The following RNF167 variants were observed in gnomAD, a reference collection of about 807,000 sequenced individuals.
RNF167 encodes ring finger protein 167, also known as E3 ubiquitin-protein ligase RNF167.
RNF167 carries 19 observed loss-of-function variants against 34.8 expected under a neutral mutation model. That is an observed-to-expected ratio of 0.55 (90% CI 0.38 to 0.80). The LOEUF is 0.80. Among genes scored for constraint, RNF167 ranks in the 30% least tolerant of loss-of-function variants. The pLI, the probability that RNF167 is intolerant of heterozygous loss-of-function variation, is 0.00. For synonymous variants in RNF167, 200 were observed against 170.4 expected, an observed-to-expected ratio of 1.17 and a Z score of -1.35; for missense variants, 464 against 447.0, an observed-to-expected ratio of 1.04 and a Z score of -0.34.
In RNF167 at chr17:4,944,731, C is replaced by T. The variant is rs374144061; in HGVS notation, c.768C>T (p.Cys256=). The stretch of plus-strand genomic sequence containing the variant: ...TCTCTGCAGCCTACCACAGCCGCTG[C>T]GTGGACCCCTGGCTCACTCAGACCC... ...LPCAHAYHSR[C]VDPWLTQTRK... Residue 256 remains cysteine, a synonymous_variant, in exon 10 of 10, where the codon TGC becomes TGT. Transcript: ENST00000262482. The T allele has an allele frequency of 6.3e-5, 101 of 1,613,874 alleles. No homozygotes were observed. Among genetic ancestry groups the T allele is most frequent in the East Asian group, 1.1e-4 (5 of 44,882 alleles).
chr17:4,941,319 G>A (rs1970781191), intron 3 of RNF167, among the ~76,000 whole-genome samples, 162 bp downstream of exon 3: 1 of 152,166 alleles, frequency 6.6e-6, no homozygotes, highest in East Asian at 1.9e-4. Context: ...AACTGAGCAC[G>A]TCTAGTGTAG....
Position 4,943,235 on chromosome 17 carries a change from C to T in RNF167, c.527C>T (p.Pro176Leu). ...TTCCCCTTGGGCTATTACCTCATCC[C>T]TTTCACAGGGATTGTGGGACTGCTG... is the stretch of plus-strand genomic sequence containing the variant. ...NTFPLGYYLI[P>L]FTGIVGLLVL... The change falls in exon 7 of 10, where the codon CCT becomes CTT. Residue 176 changes from proline (P) to leucine (L), a missense_variant. By Grantham distance (98) the Pro-to-Leu change is moderately conservative. Coordinates refer to ENST00000262482, the MANE Select transcript of RNF167 (RefSeq NM_015528.3). The T allele has an allele frequency of 1.9e-6, 3 of 1,614,134 alleles. No individual in the cohort carries two copies. Among genetic ancestry groups the T allele is most frequent in the Non-Finnish European group, 2.5e-6 (3 of 1,180,030 alleles).
chr17:4,940,215 G>C (rs913019068), upstream of RNF167: 7 of 288,914 alleles, frequency 2.4e-5, no homozygotes, highest in Non-Finnish European at 4.4e-5. Context: ...TTTGTTTGAA[G>C]GTCTCGCGAG....
rs1168116912 is a variant in RNF167, at chr17:4,943,322, C to T, written c.576+38C>T. On this transcript the variant is annotated intron_variant, in intron 7 of 9. Transcript: ENST00000262482. Reference sequence around the variant, plus strand: ...GGGAACATGATGGGAAGCACTGAGGCCTGTGAGGCCAGACTGGATCTGGAG... The same window carrying T: ...GGGAACATGATGGGAAGCACTGAGGTCTGTGAGGCCAGACTGGATCTGGAG... 5.0e-6 allele frequency: 8 copies of T among 1,596,414 alleles called. No individual in the cohort carries two copies. In the East Asian group the frequency reaches 1.6e-4, roughly 31 times the overall value.
Position 4,944,979 on chromosome 17 carries a change from CACT to C in RNF167, c.1017_1019del (p.Leu340del). 6.3e-7 allele frequency: 1 copy of C among 1,584,320 alleles called. No homozygotes were observed. Among genetic ancestry groups the C allele is most frequent in the Middle Eastern group, 1.7e-4 (1 of 5,890 alleles). On this transcript the variant is annotated inframe_deletion, in exon 10 of 10. Transcript: ENST00000262482. ...TTTCCTGGGCCTTCAACAGATCCCC[CACT>C]GTCCCCTCCCTCTTCCCCTGTTATC...
In RNF167 at chr17:4,945,092, G is replaced by A. The variant is rs1971286019; in HGVS notation, c.*76G>A. 2.1e-5 allele frequency: 27 copies of A among 1,310,112 alleles called. No individual in the cohort carries two copies. The Admixed American group carries it at 6.6e-4, about 32-fold the overall frequency. 81.2% of individuals were successfully genotyped at this position (1,310,112 alleles called of 1,614,324 possible). A position where few individuals can be genotyped will look rare whatever the true frequency, so the allele number is the denominator to read the frequency against. Reference sequence around the variant, plus strand: ...TTCCCTCCAGTCTTCTGAGGGATAGGGGACATTCCATCCCAAGCTTCTCCC... The same window carrying A: ...TTCCCTCCAGTCTTCTGAGGGATAGAGGACATTCCATCCCAAGCTTCTCCC... On this transcript the variant is annotated 3_prime_UTR_variant, in exon 10 of 10. Transcript: ENST00000262482.
chr17:4,945,073 C>G lies in RNF167; in HGVS notation c.*57C>G. Reference sequence around the variant, plus strand: ...ATTTGCACAGACCGTCGTCTTCCCTCCAGTCTTCTGAGGGATAGGGGACAT... The same window carrying G: ...ATTTGCACAGACCGTCGTCTTCCCTGCAGTCTTCTGAGGGATAGGGGACAT... On this transcript the variant is annotated 3_prime_UTR_variant, in exon 10 of 10. Transcript: ENST00000262482. The G allele has an allele frequency of 7.0e-7, 1 of 1,420,006 alleles. No homozygotes were observed. 88.0% of individuals were successfully genotyped at this position (1,420,006 alleles called of 1,614,324 possible).
At chr17:4,941,984 G>A (rs1262762800) in intron 3 of RNF167, among the ~76,000 whole-genome samples, 2 of 152,302 alleles carry the variant, frequency 1.3e-5, no homozygotes, top group South Asian at 2.1e-4. Flanking sequence ...GTGCTGGAGA[G>A]GGGACTGTGA....
At position 4,940,992 on chromosome 17, in the gene RNF167, C is replaced by T; in HGVS notation, c.83C>T (p.Ala28Val). 6.2e-7 allele frequency: 1 copy of T among 1,612,322 alleles called. No homozygotes were observed. The highest frequency in any genetic ancestry group is 8.5e-7 in the Non-Finnish European group (1 of 1,178,726). Reference sequence around the variant, plus strand: ...GCCCCGACCCGGGGGCTCATTCGAGCGGTGAGTCTGAGGGACGGATGGGGA... The same window carrying T: ...GCCCCGACCCGGGGGCTCATTCGAGTGGTGAGTCTGAGGGACGGATGGGGA... Reference protein sequence around the residue: ...GAAPTRGLIRATSDHNASMDF... With the variant: ...GAAPTRGLIRVTSDHNASMDF... The change falls in exon 2 of 10, where the codon GCG (alanine) becomes GTG (valine). Residue 28 changes from alanine to valine, a missense_variant and splice_region_variant. By Grantham distance (64) the Ala-to-Val change is moderately conservative. Transcript: ENST00000262482.
Position 4,943,287 on chromosome 17 carries a change from GAGT to G in RNF167, c.576+6_576+8del. Reference sequence around the variant, plus strand: ...TTTTGGCCATGGGAGCAGTAATGGTGAGTAGCTGAGGGAACATGATGGGAAGCA... The same window carrying G: ...TTTTGGCCATGGGAGCAGTAATGGTGAGCTGAGGGAACATGATGGGAAGCA... On this transcript the variant is annotated splice_donor_5th_base_variant and intron_variant, in intron 7 of 9. Coordinates refer to ENST00000262482, the MANE Select transcript of RNF167 (RefSeq NM_015528.3). 1 of 1,612,880 alleles carries G rather than the reference GAGT, an allele frequency of 6.2e-7. No individual in the cohort carries two copies. The highest frequency in any genetic ancestry group is 2.2e-5 in the East Asian group (1 of 44,882).
chr17:4,943,007 GCCT>G (rs1970981882), intron 6 of RNF167, 66 bp downstream of exon 6: 25 of 1,482,088 alleles, frequency 1.7e-5, no homozygotes, highest in African/African-American at 2.8e-5. Flanking sequence ...TGGAGCCCAG[GCCT>G]CCTCATTACC....
rs1002357041 is a variant in RNF167, at chr17:4,945,139, AG to A, written c.*127del. ...TCCCTTACCCACACCTATCCTTTTG[AG>A]GGGCTTTGGGGTGGAGCTGGGGCAA... On this transcript the variant is annotated 3_prime_UTR_variant, in exon 10 of 10. Transcript: ENST00000262482. 4.5e-5 allele frequency: 41 copies of A among 912,968 alleles called. No homozygotes were observed. The highest frequency in any genetic ancestry group is 2.8e-4 in the Admixed American group (10 of 35,586). The allele number at this position is 912,968 out of a possible 1,614,324, so 56.6% of individuals were successfully genotyped here.
Position 4,944,704 on chromosome 17 carries a change from CCT to C in RNF167, c.752-6_752-5del, listed in dbSNP as rs747544244. ...CAGCCACCAGGTGCTTCACCTTGTTCCTCTCTGCAGCCTACCACAGCCGCTGC... is the reference window on the plus strand; with the variant it reads ...CAGCCACCAGGTGCTTCACCTTGTTCCTCTGCAGCCTACCACAGCCGCTGC... On this transcript the variant is annotated splice_polypyrimidine_tract_variant and intron_variant, in intron 9 of 9. Coordinates refer to ENST00000262482, the MANE Select transcript of RNF167 (RefSeq NM_015528.3). The C allele has an allele frequency of 6.2e-6, 10 of 1,614,140 alleles. No individual in the cohort carries two copies. Among genetic ancestry groups the C allele is most frequent in the East Asian group, 2.2e-5 (1 of 44,880 alleles).
rs554596584 is a variant in RNF167 at position 4,943,302 on chromosome 17, C to G, written c.576+18C>G. ...CAGTAATGGTGAGTAGCTGAGGGAA[C>G]ATGATGGGAAGCACTGAGGCCTGTG... On this transcript the variant is annotated intron_variant, in intron 7 of 9. Transcript: ENST00000262482. The G allele has an allele frequency of 6.2e-7, 1 of 1,608,808 alleles. No homozygotes were observed. The highest frequency in any genetic ancestry group is 2.2e-5 in the East Asian group (1 of 44,848).
At position 4,940,806 on chromosome 17, in the gene RNF167, G is replaced by T; in HGVS notation, c.-104G>T. 3 of 1,046,596 alleles carry T rather than the reference G, an allele frequency of 2.9e-6. No individual in the cohort carries two copies. The highest frequency in any genetic ancestry group is 2.7e-6 in the Non-Finnish European group (2 of 741,710). 64.8% of individuals were successfully genotyped at this position (1,046,596 alleles called of 1,614,324 possible). A position where few individuals can be genotyped will look rare whatever the true frequency, so the allele number is the denominator to read the frequency against. ...TGGGAAGTGGGACCTGGGGGTGGTT[G>T]GACCCCTGGGATCCTAAAGGAGGGG... is the stretch of plus-strand genomic sequence containing the variant. On this transcript the variant is annotated 5_prime_UTR_variant, in exon 2 of 10. Coordinates refer to ENST00000262482, the MANE Select transcript of RNF167 (RefSeq NM_015528.3).
rs142466514 is a variant in RNF167, at chr17:4,943,022, G to A, written c.470+81G>A. 4.4e-5 allele frequency: 61 copies of A among 1,396,232 alleles called. No individual in the cohort carries two copies. In the East Asian group the frequency reaches 7.3e-4, roughly 17 times the overall value. 86.5% of individuals were successfully genotyped at this position (1,396,232 alleles called of 1,614,324 possible). A position where few individuals can be genotyped will look rare whatever the true frequency, so the allele number is the denominator to read the frequency against. On this transcript the variant is annotated intron_variant, in intron 6 of 9. Coordinates refer to ENST00000262482, the MANE Select transcript of RNF167 (RefSeq NM_015528.3). The stretch of plus-strand genomic sequence containing the variant: ...TGGAGCCCAGGCCTCCTCATTACCC[G>A]AACCATTCAGCCTCCTGTCCTTCCT...
At chr17:4,942,248 T>C (rs999477901) in intron 3 of RNF167, 93 bp from the exon 4 acceptor site, 3 of 1,402,344 alleles carry the variant, frequency 2.1e-6, no homozygotes, top group Admixed American at 1.8e-5. Flanking sequence ...GGATAGAGGA[T>C]GTGCAGCATG....
At chr17:4,940,442 C>A (rs1275383617) in intron 1 of RNF167, 45 bp from the exon 2 acceptor site, 1 of 159,954 alleles carries the variant, frequency 6.3e-6, no homozygotes, top group Non-Finnish European at 1.4e-5. Flanking sequence ...TCCATCTCCA[C>A]AGGCAGTCCC....
At chr17:4,942,962 C>G (rs1276874744) in intron 6 of RNF167, 21 bp downstream of exon 6, 1 of 1,608,480 alleles carries the variant, frequency 6.2e-7, no homozygotes, top group Non-Finnish European at 8.5e-7. Flanking sequence ...TGCCTCCTTC[C>G]CATTCTTCCT....
Sources: gnomAD v4.1 joint callset for allele counts (sites outside exome capture counted in the v4.1 genomes callset) on GRCh38, gnomAD v4.1.1 for gene constraint, MANE v1.5 for transcripts, NCBI Gene and HGNC (gene_info 2026-07-23, HGNC 2026-07-21) for gene names.